Variants in ANKS1B observed in about 807,000 individuals in gnomAD.
The protein encoded by ANKS1B is ankyrin repeat and sterile alpha motif domain-containing protein 1B.
ANKS1B carries 36 observed loss-of-function variants against 148.3 expected under a neutral mutation model. The observed-to-expected ratio is 0.24, with a 90% CI of 0.19 to 0.32. ANKS1B has a LOEUF of 0.32. Among genes scored for constraint, ANKS1B ranks in the 10% least tolerant of loss-of-function variants. The probability of loss-of-function intolerance (pLI) is 1.00; values close to 1 mark genes in which losing one functional copy is unlikely to be tolerated. For missense variants in ANKS1B, 1,157 were observed against 1,542.6 expected, an observed-to-expected ratio of 0.75 and a Z score of 4.19; for synonymous variants, 542 against 560.8, an observed-to-expected ratio of 0.97 and a Z score of 0.47.
At chr12:99,691,292 A>G (rs1162566907) in intron 8 of ANKS1B, among the ~76,000 whole-genome samples, 1 of 152,178 alleles carries the variant, frequency 6.6e-6, no homozygotes, top group African/African-American at 2.4e-5. Flanking sequence ...CTTCCTCCCC[A>G]TTGTGTTAGT....
intron 14 of ANKS1B, among the ~76,000 whole-genome samples, chr12:99,196,499 A>C (rs1157760933): frequency 6.6e-6 from 1 of 152,156 alleles, no homozygotes; most frequent in Non-Finnish European, 1.5e-5. Context: ...CCACCAGGGC[A>C]ATCCTGACCA....
At chr12:99,194,712 T>C (rs1224454008) in intron 14 of ANKS1B, among the ~76,000 whole-genome samples, 1 of 152,132 alleles carries the variant, frequency 6.6e-6, no homozygotes, top group Non-Finnish European at 1.5e-5. Flanking sequence ...TAAGCAATTA[T>C]TGTTTGATAT....
At chr12:99,702,928 C>T (rs1252598141) in intron 8 of ANKS1B, among the ~76,000 whole-genome samples, 2 of 151,968 alleles carry the variant, frequency 1.3e-5, no homozygotes, top group Admixed American at 1.3e-4. Flanking sequence ...AGTCTTTAAT[C>T]CACTTTCATT....
intron 17 of ANKS1B, among the ~76,000 whole-genome samples, chr12:98,861,716 A>G (rs1462766757): frequency 6.6e-6 from 1 of 152,248 alleles, no homozygotes; most frequent in Non-Finnish European, 1.5e-5. Flanking sequence ...TTCATAACAT[A>G]TTAGAGCTGG....
chr12:99,428,714 A>G (rs1306066684), intron 11 of ANKS1B, among the ~76,000 whole-genome samples: 2 of 152,138 alleles, frequency 1.3e-5, no homozygotes, highest in African/African-American at 4.8e-5. Context: ...CCACTGAGAG[A>G]GTCTGAGAAC....
At chr12:99,859,396 C>G (rs1448471363) in intron 1 of ANKS1B, among the ~76,000 whole-genome samples, 1 of 152,112 alleles carries the variant, frequency 6.6e-6, no homozygotes, top group Non-Finnish European at 1.5e-5. Context: ...GCAAAGTAAG[C>G]CCTTACATTG....
intron 10 of ANKS1B, among the ~76,000 whole-genome samples, chr12:99,468,441 G>T (rs1239487955): frequency 6.6e-6 from 1 of 152,156 alleles, no homozygotes; most frequent in African/African-American, 2.4e-5. Flanking sequence ...TGACAAATGG[G>T]ATCTAATTAA....
Position 99,825,351 on chromosome 12 carries a change from G to A in ANKS1B, c.173C>T (p.Ser58Leu), listed in dbSNP as rs774006211. Residue 58 changes from serine (S) to leucine (L), a missense_variant, in exon 2 of 27, where the codon TCG becomes TTG. By Grantham distance (145) the Ser-to-Leu change is moderately radical. Coordinates refer to ENST00000683438, the MANE Select transcript of ANKS1B (RefSeq NM_001352186.2). ...RGPNVNCTDS[S>L]GYTALHHAAL... ...TGCGTGGTGTAAAGCAGTGTAACCC[G>A]AACTGTCTGTGCAGTTCACATTGGG... 9.9e-6 allele frequency: 16 copies of A among 1,612,482 alleles called. No homozygotes were observed. The highest frequency in any genetic ancestry group is 8.4e-5 in the Admixed American group (5 of 59,856).
At chr12:99,916,572 T>C (rs1172871301) in intron 1 of ANKS1B, among the ~76,000 whole-genome samples, 3 of 152,152 alleles carry the variant, frequency 2.0e-5, no homozygotes, top group African/African-American at 7.2e-5. Flanking sequence ...CTCTGAACTA[T>C]GAAACAAGAG....
intron 1 of ANKS1B, among the ~76,000 whole-genome samples, chr12:99,834,308 A>G (rs894029716): frequency 2.6e-5 from 4 of 152,176 alleles, no homozygotes; most frequent in Non-Finnish European, 2.9e-5. Context: ...TTTATTCCAA[A>G]AAAAGCAATT....
intron 12 of ANKS1B, among the ~76,000 whole-genome samples, chr12:99,310,433 T>C (rs1340759789): frequency 2.0e-5 from 3 of 152,168 alleles, no homozygotes; most frequent in Non-Finnish European, 4.4e-5. Context: ...TCCTCCCTAA[T>C]GTTTGTGCCT....
intron 11 of ANKS1B, among the ~76,000 whole-genome samples, chr12:99,440,008 G>A (rs567484027): frequency 4.5e-4 from 69 of 151,824 alleles, no homozygotes; most frequent in African/African-American, 1.6e-3. Context: ...ATTATGTTGA[G>A]TGAAAGAAAC....
At chr12:99,935,041 GATAA>G (rs141206470) in intron 1 of ANKS1B, among the ~76,000 whole-genome samples, 9,400 of 151,892 alleles carry the variant, frequency 0.062, 318 homozygotes, top group Middle Eastern at 0.14. Context: ...TTTCTATTCC[GATAA>G]ATAAATTAAA....
At chr12:99,948,587 C>A (rs1239413743) in intron 1 of ANKS1B, among the ~76,000 whole-genome samples, 1 of 152,170 alleles carries the variant, frequency 6.6e-6, no homozygotes, top group African/African-American at 2.4e-5. Context: ...ACACTGCTGA[C>A]CATCTGATTG....
chr12:99,141,768 T>C (rs2070887401), intron 15 of ANKS1B, among the ~76,000 whole-genome samples: 1 of 152,130 alleles, frequency 6.6e-6, no homozygotes, highest in Non-Finnish European at 1.5e-5. Context: ...ATCATACCTT[T>C]TCATGGCTGC....
intron 12 of ANKS1B, among the ~76,000 whole-genome samples, chr12:99,352,401 A>T (rs2091515971): frequency 6.6e-6 from 1 of 151,872 alleles, no homozygotes; most frequent in Non-Finnish European, 1.5e-5. Flanking sequence ...TCTGATGAGG[A>T]TCTGGGAGGG....
intron 26 of ANKS1B, among the ~76,000 whole-genome samples, chr12:98,747,880 T>C (rs540159109): frequency 6.6e-6 from 1 of 152,264 alleles, no homozygotes; most frequent in African/African-American, 2.4e-5. Context: ...TATGTTCTCA[T>C]ATGTGGAGGC....
chr12:98,775,951 C>A (rs1288082034), intron 24 of ANKS1B, among the ~76,000 whole-genome samples: 1 of 152,248 alleles, frequency 6.6e-6, no homozygotes, highest in Non-Finnish European at 1.5e-5. Context: ...AGGAATAACT[C>A]ATCATTGTGG....
At chr12:99,485,791 C>A (rs1038721823) in intron 10 of ANKS1B, among the ~76,000 whole-genome samples, 1 of 151,964 alleles carries the variant, frequency 6.6e-6, no homozygotes, top group Non-Finnish European at 1.5e-5. Flanking sequence ...CTCTGGAATT[C>A]TTTCTTCTAT....
Sources: allele counts gnomAD v4.1 joint callset (sites outside exome capture counted in the v4.1 genomes callset), GRCh38; gene constraint gnomAD v4.1.1; transcripts MANE v1.5; gene names NCBI Gene and HGNC (gene_info 2026-07-23, HGNC 2026-07-21).